The following CNTNAP2 variants were observed in gnomAD, a reference collection of about 807,000 sequenced individuals.
CNTNAP2 encodes contactin associated protein 2.
A neutral mutation model predicts 155.2 loss-of-function variants in CNTNAP2; 98 were observed. The observed-to-expected ratio is 0.63, with a 90% CI of 0.54 to 0.75. CNTNAP2 has a LOEUF of 0.75. CNTNAP2 is among the 30% of genes least tolerant of loss of function. CNTNAP2 has a pLI of 0.00. For synonymous variants in CNTNAP2, 651 were observed against 631.2 expected (o/e 1.03, Z -0.47); for missense variants, 1,727 against 1,688.1 (o/e 1.02, Z -0.40).
At chr7:147,175,694 C>T (rs1584772705) in intron 8 of CNTNAP2, among the ~76,000 whole-genome samples, 1 of 152,248 alleles carries the variant, frequency 6.6e-6, no homozygotes, top group South Asian at 2.1e-4. Context: ...GCCACAATAC[C>T]TCTTAACTCC....
intron 8 of CNTNAP2, among the ~76,000 whole-genome samples, chr7:147,174,783 T>G (rs1336340243): frequency 6.6e-6 from 1 of 152,166 alleles, no homozygotes; most frequent in African/African-American, 2.4e-5. Flanking sequence ...ATTGTATTTT[T>G]ATTCATGATG....
intron 3 of CNTNAP2, among the ~76,000 whole-genome samples, chr7:146,885,272 A>G (rs1035758732): frequency 1.3e-5 from 2 of 152,176 alleles, no homozygotes; most frequent in African/African-American, 4.8e-5. Flanking sequence ...TGCAGCTTAC[A>G]TCAAATAAAT....
At chr7:146,252,310 G>A (rs981224386) in intron 1 of CNTNAP2, among the ~76,000 whole-genome samples, 1 of 152,020 alleles carries the variant, frequency 6.6e-6, no homozygotes, top group Non-Finnish European at 1.5e-5. Context: ...GCTGGAAGTG[G>A]GTGAATAGCT....
intron 20 of CNTNAP2, among the ~76,000 whole-genome samples, chr7:148,239,862 C>T (rs1796113813): frequency 6.6e-6 from 1 of 152,160 alleles, no homozygotes; most frequent in South Asian, 2.1e-4. Context: ...CTGAAGAAGA[C>T]AGAAGGTTCT....
intron 3 of CNTNAP2, among the ~76,000 whole-genome samples, chr7:146,914,689 G>A (rs1003061746): frequency 6.6e-6 from 1 of 151,938 alleles, no homozygotes; most frequent in Non-Finnish European, 1.5e-5. Context: ...TGTAGATTCT[G>A]GATATTAGTT....
At chr7:146,117,863 A>G (rs1797508961) in intron 1 of CNTNAP2, among the ~76,000 whole-genome samples, 1 of 152,200 alleles carries the variant, frequency 6.6e-6, no homozygotes, top group Non-Finnish European at 1.5e-5. Flanking sequence ...GTTAAACACT[A>G]GAAAGACTGC....
At chr7:148,400,925 A>AGCT (rs1799569348) in intron 22 of CNTNAP2, among the ~76,000 whole-genome samples, 1 of 151,830 alleles carries the variant, frequency 6.6e-6, no homozygotes, top group Non-Finnish European at 1.5e-5. Context: ...GGTTGCAGTG[A>AGCT]GCTGAGATTG....
chr7:148,107,959 G>A (rs549973025), intron 15 of CNTNAP2, among the ~76,000 whole-genome samples: 1 of 152,306 alleles, frequency 6.6e-6, no homozygotes, highest in South Asian at 2.1e-4. Context: ...TTGGCCACTG[G>A]AGCCAGCCTG....
At chr7:147,506,459 T>C (rs1798908365) in intron 11 of CNTNAP2, among the ~76,000 whole-genome samples, 1 of 152,138 alleles carries the variant, frequency 6.6e-6, no homozygotes, top group Admixed American at 6.5e-5. Context: ...TTCTCCATGT[T>C]GGTCAGGCTG....
intron 15 of CNTNAP2, among the ~76,000 whole-genome samples, chr7:148,085,920 A>C (rs1332107908): frequency 6.6e-6 from 1 of 152,212 alleles, no homozygotes; most frequent in Non-Finnish European, 1.5e-5. Flanking sequence ...TGACACAGAC[A>C]ACCATTTTTC....
In CNTNAP2 at chr7:147,842,557, C is replaced by CTTT. The variant is rs1171642244; in HGVS notation, c.2099-60994_2099-60992dup. Among the ~76,000 whole-genome samples, 347 of 87,500 alleles carry CTTT rather than the reference C, an allele frequency of 4.0e-3. 1 individual carries two copies. Among genetic ancestry groups the CTTT allele is most frequent in the Middle Eastern group, 0.013 (2 of 156 alleles). 57.4% of individuals were successfully genotyped at this position (87,500 alleles called of 152,430 possible). ...AGATTTAAATATTTCAGTTGCATTT[C>CTTT]TTTTTTTTTTTTTTTTACTTTTTAC... On this transcript the variant is annotated intron_variant, in intron 13 of 23. Transcript: ENST00000361727.
intron 11 of CNTNAP2, among the ~76,000 whole-genome samples, chr7:147,486,245 A>C (rs2116638901): frequency 6.6e-6 from 1 of 152,306 alleles, no homozygotes; most frequent in African/African-American, 2.4e-5. Flanking sequence ...CTGGTGGCAA[A>C]GGACTCAAAA....
At chr7:146,834,237 C>A (rs887319393) in intron 2 of CNTNAP2, among the ~76,000 whole-genome samples, 1 of 152,180 alleles carries the variant, frequency 6.6e-6, no homozygotes. Context: ...CTAAATTCCT[C>A]TTTTGTCTGA....
intron 13 of CNTNAP2, among the ~76,000 whole-genome samples, chr7:147,866,737 G>T (rs1585000071): frequency 6.9e-6 from 1 of 144,468 alleles, no homozygotes; most frequent in Non-Finnish European, 1.5e-5. Flanking sequence ...CAGAGACTAG[G>T]ATTGCAACCC....
intron 1 of CNTNAP2, among the ~76,000 whole-genome samples, chr7:146,427,359 G>T (rs73456850): frequency 6.6e-6 from 1 of 152,034 alleles, no homozygotes; most frequent in African/African-American, 2.4e-5. Flanking sequence ...ACTCAATACC[G>T]CCATTGTAGA....
At chr7:147,290,078 T>C (rs935673501) in intron 8 of CNTNAP2, among the ~76,000 whole-genome samples, 1 of 152,210 alleles carries the variant, frequency 6.6e-6, no homozygotes, top group African/African-American at 2.4e-5. Flanking sequence ...ATTGAACCAT[T>C]TTTCCTACGG....
intron 13 of CNTNAP2, among the ~76,000 whole-genome samples, chr7:147,711,464 CT>C (rs1796399213): frequency 6.6e-6 from 1 of 152,146 alleles, no homozygotes; most frequent in Non-Finnish European, 1.5e-5. Context: ...CCTTCAATGG[CT>C]TTATGCAAGG....
chr7:146,929,564 C>T (rs1283867453), intron 3 of CNTNAP2, among the ~76,000 whole-genome samples: 1 of 152,144 alleles, frequency 6.6e-6, no homozygotes, highest in African/African-American at 2.4e-5. Flanking sequence ...AGTTCCTCAC[C>T]AGCAACGGAA....
chr7:147,736,354 C>T (rs1796843889), intron 13 of CNTNAP2, among the ~76,000 whole-genome samples: 1 of 152,228 alleles, frequency 6.6e-6, no homozygotes, highest in South Asian at 2.1e-4. Context: ...TTGGCCCCCA[C>T]TCTCTTCTGG....
Sources: allele counts gnomAD v4.1 joint callset (sites outside exome capture counted in the v4.1 genomes callset), GRCh38; gene constraint gnomAD v4.1.1; transcripts MANE v1.5; gene names NCBI Gene and HGNC (gene_info 2026-07-23, HGNC 2026-07-21).